Variants in ADAMTS17 observed in about 807,000 individuals in gnomAD.
The protein encoded by ADAMTS17 is ADAM metallopeptidase with thrombospondin type 1 motif 17.
Under a neutral mutation model 141.5 loss-of-function variants are expected in ADAMTS17, and 113 were observed. That is an observed-to-expected ratio of 0.80 (90% CI 0.69 to 0.93). The LOEUF is 0.93. Among genes scored for constraint, ADAMTS17 ranks in the 40% least tolerant of loss-of-function variants. ADAMTS17 has a pLI of 0.00. For missense variants in ADAMTS17, 1,659 were observed against 1,517.9 expected, an observed-to-expected ratio of 1.09 and a Z score of -1.54; for synonymous variants, 768 against 630.6, an observed-to-expected ratio of 1.22 and a Z score of -3.27.
At chr15:100,125,725 A>C (rs558329967) in intron 12 of ADAMTS17, among the ~76,000 whole-genome samples, 14 of 152,234 alleles carry the variant, frequency 9.2e-5, no homozygotes, top group Non-Finnish European at 1.9e-4. Context: ...TTATAGCAGG[A>C]AAGGACGGGC....
At chr15:99,980,339 AACAGAGAGAT>A (rs2060458822) in intron 20 of ADAMTS17, 1 of 152,184 alleles carries the variant, frequency 6.6e-6, no homozygotes, top group South Asian at 2.1e-4. Flanking sequence ...AAAAACTAAA[AACAGAGAGAT>A]ACACCTGCTG....
In ADAMTS17 at chr15:100,158,363, C is replaced by T. The variant is rs528352891; in HGVS notation, c.1182-3043G>A. Among the ~76,000 whole-genome samples the T allele has an allele frequency of 9.2e-5, 14 of 152,294 alleles. No homozygotes were observed. The South Asian group carries it at 2.3e-3, about 25-fold the overall frequency. On this transcript the variant is annotated intron_variant, in intron 8 of 21. Transcript: ENST00000268070. The stretch of plus-strand genomic sequence containing the variant: ...AAAAAGATTTTAAAAATATATTCAT[C>T]CTTGGCACCAAAAAAATTCTTTTTA...
At chr15:100,076,763 G>A (rs2034406791) in intron 15 of ADAMTS17, among the ~76,000 whole-genome samples, 1 of 152,028 alleles carries the variant, frequency 6.6e-6, no homozygotes, top group African/African-American at 2.4e-5. Context: ...CTTTCTCACT[G>A]GAAGAAGTTT....
chr15:100,172,732 G>C (rs1156948689), intron 8 of ADAMTS17, among the ~76,000 whole-genome samples: 3 of 152,210 alleles, frequency 2.0e-5, no homozygotes, highest in Non-Finnish European at 4.4e-5. Flanking sequence ...CACAGCAGTA[G>C]GGGCTACCTG....
intron 18 of ADAMTS17, among the ~76,000 whole-genome samples, chr15:100,029,137 G>A (rs2029885229): frequency 6.6e-6 from 1 of 152,124 alleles, no homozygotes; most frequent in South Asian, 2.1e-4. Context: ...TCCTGAGTAT[G>A]TCTCCCATCT....
intron 18 of ADAMTS17, among the ~76,000 whole-genome samples, chr15:100,032,381 T>C (rs1289802936): frequency 6.6e-6 from 1 of 152,192 alleles, no homozygotes; most frequent in African/African-American, 2.4e-5. Context: ...GTTAGATATG[T>C]CCTGAATTTT....
chr15:100,016,544 T>C (rs1462784378), intron 18 of ADAMTS17, among the ~76,000 whole-genome samples: 2 of 152,200 alleles, frequency 1.3e-5, no homozygotes, highest in East Asian at 3.8e-4. Flanking sequence ...GATTCTTTTG[T>C]CCCATGGGGT....
At chr15:100,306,509 G>A in intron 3 of ADAMTS17, 1 of 456,064 alleles carries the variant, frequency 2.2e-6, no homozygotes, top group Non-Finnish European at 4.4e-6. Context: ...ACACATGAAT[G>A]AGGCACCTCC....
chr15:100,072,286 G>A (rs569238070), intron 15 of ADAMTS17, among the ~76,000 whole-genome samples: 64 of 148,754 alleles, frequency 4.3e-4, no homozygotes, highest in African/African-American at 1.4e-3. Flanking sequence ...AACATTCCAT[G>A]CTCATGGGTA....
intron 18 of ADAMTS17, among the ~76,000 whole-genome samples, chr15:100,016,897 G>C (rs2061301232): frequency 6.6e-6 from 1 of 152,194 alleles, no homozygotes; most frequent in African/African-American, 2.4e-5. Context: ...GTATGGAGAG[G>C]GATCAGTGGC....
intron 20 of ADAMTS17, among the ~76,000 whole-genome samples, chr15:99,977,480 C>T (rs1343950468): frequency 7.3e-6 from 1 of 136,656 alleles, no homozygotes; most frequent in Non-Finnish European, 1.5e-5. Flanking sequence ...GGCGCAATCT[C>T]GGCTCACTGT....
intron 14 of ADAMTS17, among the ~76,000 whole-genome samples, chr15:100,103,583 T>TTTTC (rs1555449951): frequency 1.4e-5 from 2 of 146,198 alleles, no homozygotes; most frequent in Non-Finnish European, 3.0e-5. Flanking sequence ...TCTTTTTTTT[T>TTTTC]CTTTTCCTTT....
At chr15:100,156,766 A>C (rs540601721) in intron 8 of ADAMTS17, among the ~76,000 whole-genome samples, 3 of 152,360 alleles carry the variant, frequency 2.0e-5, no homozygotes, top group South Asian at 4.1e-4. Context: ...AATCATAAAA[A>C]TCTGCTCCAA....
In ADAMTS17 at chr15:99,993,884, C is replaced by G. The variant is rs888809187; in HGVS notation, c.2797-684G>C. Among the ~76,000 whole-genome samples, 8 of 152,106 alleles carry G rather than the reference C, an allele frequency of 5.3e-5. No homozygotes were observed. Among genetic ancestry groups the G allele is most frequent in the Non-Finnish European group, 1.5e-5 (1 of 68,020 alleles). On this transcript the variant is annotated intron_variant, in intron 19 of 21. Coordinates refer to ENST00000268070, the MANE Select transcript of ADAMTS17 (RefSeq NM_139057.4). The surrounding 1 kb of genome is among the most constrained non-coding windows in gnomAD (Gnocchi z 4.3). ...AGGGGCAGTGGGGATGGGACCTGGG[C>G]AGGGCCTGGGGGTGATGAATGATGT...
At chr15:100,031,249 C>T (rs898637258) in intron 18 of ADAMTS17, among the ~76,000 whole-genome samples, 7 of 152,182 alleles carry the variant, frequency 4.6e-5, no homozygotes, top group African/African-American at 1.7e-4. Context: ...TGGCTAGCTA[C>T]CGAACCTAAC....
rs1472758960 is a variant in ADAMTS17, at chr15:99,973,029, G to A, written c.*1373C>T. 1.3e-5 allele frequency: 2 copies of A among 152,130 alleles called. No homozygotes were observed. Among genetic ancestry groups the A allele is most frequent in the African/African-American group, 4.8e-5 (2 of 41,410 alleles). The allele number at this position is 152,130 out of a possible 1,614,324, so 9.4% of individuals were successfully genotyped here. The stretch of plus-strand genomic sequence containing the variant: ...GCACCCATGAAATGCCCACCAAGTT[G>A]GTGAGCAAAACAGGCCTCCTGGCAT... On this transcript the variant is annotated 3_prime_UTR_variant, in exon 22 of 22. Coordinates refer to ENST00000268070, the MANE Select transcript of ADAMTS17 (RefSeq NM_139057.4).
rs182291955 is a variant in ADAMTS17 at position 100,206,578 on chromosome 15, T to C, written c.1076-7155A>G. 2.0e-3 allele frequency among the ~76,000 whole-genome samples: 306 copies of C among 152,304 alleles called. 10 individuals are homozygous for C. In the South Asian group the frequency reaches 0.052, roughly 26 times the overall value. On this transcript the variant is annotated intron_variant, in intron 7 of 21. Transcript: ENST00000268070. ...TCTATCTTCTCTCACTGGAAATGTCTCCCCTTTGCTGGTGGGTTAGAATGC... is the reference window on the plus strand; with the variant it reads ...TCTATCTTCTCTCACTGGAAATGTCCCCCCTTTGCTGGTGGGTTAGAATGC...
At chr15:100,029,857 G>A (rs1006968332) in intron 18 of ADAMTS17, among the ~76,000 whole-genome samples, 7 of 152,176 alleles carry the variant, frequency 4.6e-5, no homozygotes, top group Non-Finnish European at 8.8e-5. Flanking sequence ...TGCAGTCCCT[G>A]GACCAGCATC....
At chr15:100,109,677 G>T (rs35123872) in intron 13 of ADAMTS17, among the ~76,000 whole-genome samples, 3 of 151,868 alleles carry the variant, frequency 2.0e-5, no homozygotes, top group Non-Finnish European at 2.9e-5. Flanking sequence ...CATGTGCGCC[G>T]CTAGGACAAC....
Sources: gnomAD v4.1 joint callset for allele counts (sites outside exome capture counted in the v4.1 genomes callset) on GRCh38, gnomAD v4.1.1 for gene constraint, Gnocchi (gnomAD v3.1) non-coding constraint, MANE v1.5 for transcripts, NCBI Gene and HGNC (gene_info 2026-07-23, HGNC 2026-07-21) for gene names.